The following ATP6V1H variants were observed in gnomAD, a reference collection of about 807,000 sequenced individuals.
ATP6V1H encodes ATPase H+ transporting V1 subunit H.
ATP6V1H carries 39 observed loss-of-function variants against 71.7 expected under a neutral mutation model. That is an observed-to-expected ratio of 0.54 (90% CI 0.42 to 0.71). The LOEUF (loss-of-function observed/expected upper bound fraction) is 0.71, where lower values mean the gene tolerates loss of function less well. ATP6V1H is among the 30% of genes least tolerant of loss of function. The pLI, the probability that ATP6V1H is intolerant of heterozygous loss-of-function variation, is 0.00. For synonymous variants in ATP6V1H, 192 were observed against 199.3 expected (o/e 0.96, Z 0.31); for missense variants, 509 against 594.9 (o/e 0.86, Z 1.50).
intron 3 of ATP6V1H, among the ~76,000 whole-genome samples, chr8:53,830,978 C>T (rs945831788): frequency 6.6e-6 from 1 of 152,090 alleles, no homozygotes; most frequent in Non-Finnish European, 1.5e-5. Context: ...TAGATTTCAT[C>T]GCACAACTTA....
In ATP6V1H at chr8:53,817,523, T is replaced by C; in HGVS notation, c.314A>G (p.His105Arg). 2 of 1,606,834 alleles carry C rather than the reference T, an allele frequency of 1.2e-6. No homozygotes were observed. The highest frequency in any genetic ancestry group is 2.2e-5 in the South Asian group (2 of 90,244). The change falls in exon 5 of 14, where the codon CAT becomes CGT. Residue 105 changes from histidine to arginine, a missense_variant. Transcript: ENST00000359530. ...GTCAAAGAAAATGCTAACACGCTGA[T>C]GATTTTCCTAAAAAAGAAAAGAAAT... Reference protein sequence around the residue: ...TMVDDMLQENHQRVSIFFDYA... With the variant: ...TMVDDMLQENRQRVSIFFDYA...
intron 11 of ATP6V1H, among the ~76,000 whole-genome samples, chr8:53,763,614 T>A (rs1437971584): frequency 6.6e-6 from 1 of 151,726 alleles, no homozygotes; most frequent in Non-Finnish European, 1.5e-5. Context: ...ATAGCCAAAA[T>A]CATCTTGGAA....
At chr8:53,826,553 G>A (rs1320043212) in intron 4 of ATP6V1H, among the ~76,000 whole-genome samples, 2 of 151,826 alleles carry the variant, frequency 1.3e-5, no homozygotes, top group Admixed American at 6.6e-5. Context: ...CAAAAAATAA[G>A]AGATTATATC....
intron 13 of ATP6V1H, among the ~76,000 whole-genome samples, chr8:53,723,766 A>C (rs1450354501): frequency 6.6e-6 from 1 of 152,196 alleles, no homozygotes; most frequent in African/African-American, 2.4e-5. Context: ...CCACGTGGTC[A>C]CGTGGCCGTT....
In ATP6V1H at chr8:53,814,729, T is replaced by C. The variant is rs61733221; in HGVS notation, c.458A>G (p.Lys153Arg). 1,065 of 1,613,126 alleles carry C rather than the reference T, an allele frequency of 6.6e-4. No individual in the cohort carries two copies. The highest frequency in any genetic ancestry group is 8.5e-4 in the Non-Finnish European group (1,005 of 1,179,606). Residue 153 changes from lysine to arginine, a missense_variant, in exon 6 of 14, where the codon AAA becomes AGA. Physicochemically the swap from Lys to Arg is conservative, Grantham distance 26. Coordinates refer to ENST00000359530, the MANE Select transcript of ATP6V1H (RefSeq NM_015941.4). ...RIIAKLAAWG[K>R]ELMEGSDLNY... Reference sequence around the variant, plus strand: ...TAAGTCACTGCCTTCCATCAGTTCTTTTCCCCAAGCTGCTAACTTGGCAAT... The same window carrying C: ...TAAGTCACTGCCTTCCATCAGTTCTCTTCCCCAAGCTGCTAACTTGGCAAT...
At chr8:53,719,572 C>T (rs1048660585) in intron 13 of ATP6V1H, among the ~76,000 whole-genome samples, 4 of 152,196 alleles carry the variant, frequency 2.6e-5, no homozygotes, top group African/African-American at 9.7e-5. Context: ...GTGCCAGGCA[C>T]AGGGGGTCCT....
At chr8:53,777,410 G>A (rs1808932333) in intron 9 of ATP6V1H, among the ~76,000 whole-genome samples, 1 of 151,558 alleles carries the variant, frequency 6.6e-6, no homozygotes, top group South Asian at 2.1e-4. Flanking sequence ...TTTGCTGAGA[G>A]AGAGCATTAA....
At chr8:53,805,977 C>A (rs935700864) in intron 7 of ATP6V1H, among the ~76,000 whole-genome samples, 1 of 151,940 alleles carries the variant, frequency 6.6e-6, no homozygotes, top group Non-Finnish European at 1.5e-5. Context: ...AACCTTTGTG[C>A]GAGTTGAGGT....
intron 9 of ATP6V1H, among the ~76,000 whole-genome samples, chr8:53,795,073 C>T (rs544087527): frequency 1.3e-5 from 2 of 152,212 alleles, no homozygotes; most frequent in South Asian, 2.1e-4. Flanking sequence ...CTCTCGGTAG[C>T]CAATTAGCAA....
At chr8:53,723,142 T>C (rs368309120) in intron 13 of ATP6V1H, among the ~76,000 whole-genome samples, 27 of 152,194 alleles carry the variant, frequency 1.8e-4, no homozygotes, top group African/African-American at 6.0e-4. Flanking sequence ...ATAAAGCAGA[T>C]TATACAACTT....
chr8:53,777,579 C>T (rs1270351149), intron 9 of ATP6V1H, among the ~76,000 whole-genome samples: 1 of 152,052 alleles, frequency 6.6e-6, no homozygotes, highest in East Asian at 1.9e-4. Flanking sequence ...TAATCAGTCA[C>T]CAGCAGACAT....
At chr8:53,779,422 T>C (rs138411589) in intron 9 of ATP6V1H, among the ~76,000 whole-genome samples, 9 of 151,890 alleles carry the variant, frequency 5.9e-5, no homozygotes, top group African/African-American at 1.9e-4. Flanking sequence ...ATGTAATCCA[T>C]AGTCAAAGAA....
rs561502882 is a variant in ATP6V1H at position 53,822,076 on chromosome 8, G to T, written c.307-4546C>A. Among the ~76,000 whole-genome samples, 344 of 152,246 alleles carry T rather than the reference G, an allele frequency of 2.3e-3. 2 individuals are homozygous for T. Among genetic ancestry groups the T allele is most frequent in the African/African-American group, 7.9e-3 (327 of 41,554 alleles). On this transcript the variant is annotated intron_variant, in intron 4 of 13. Coordinates refer to ENST00000359530, the MANE Select transcript of ATP6V1H (RefSeq NM_015941.4). ...CTCAAAAAGTAAAACTAAATTATAA[G>T]GTGTTCAACAGAGAACAGACTCAAA...
At position 53,811,086 on chromosome 8, in the gene ATP6V1H, A is replaced by T. The variant is rs1810258500; in HGVS notation, c.579+78T>A. The T allele has an allele frequency of 1.0e-5, 13 of 1,274,058 alleles. No homozygotes were observed. In the South Asian group the frequency reaches 1.4e-4, roughly 14 times the overall value. 78.9% of individuals were successfully genotyped at this position (1,274,058 alleles called of 1,614,324 possible). A position where few individuals can be genotyped will look rare whatever the true frequency, so the allele number is the denominator to read the frequency against. ...ATTTATAGTTGGGGAACTAGTAAAC[A>T]CCTTCAAAATTTTAAGTGTATATGA... On this transcript the variant is annotated intron_variant, in intron 7 of 13. Coordinates refer to ENST00000359530, the MANE Select transcript of ATP6V1H (RefSeq NM_015941.4).
chr8:53,801,681 T>C, intron 8 of ATP6V1H, 118 bp downstream of exon 8: 1 of 841,052 alleles, frequency 1.2e-6, no homozygotes, highest in Non-Finnish European at 1.8e-6. Flanking sequence ...CATAGTCAAT[T>C]GTTAAACAGA....
chr8:53,718,127 C>T (rs947100003), intron 13 of ATP6V1H, among the ~76,000 whole-genome samples: 2 of 152,200 alleles, frequency 1.3e-5, no homozygotes, highest in African/African-American at 4.8e-5. Flanking sequence ...CTTCCAGAGG[C>T]CTGAGGGTAG....
At chr8:53,807,451 A>C (rs1563475868) in intron 7 of ATP6V1H, among the ~76,000 whole-genome samples, 1 of 152,110 alleles carries the variant, frequency 6.6e-6, no homozygotes, top group Non-Finnish European at 1.5e-5. Flanking sequence ...GAAAAAAAAA[A>C]AACTAAGTCC....
intron 3 of ATP6V1H, among the ~76,000 whole-genome samples, chr8:53,830,116 T>C (rs953336641): frequency 1.3e-5 from 2 of 152,178 alleles, no homozygotes; most frequent in African/African-American, 4.8e-5. Flanking sequence ...AATTGAACCT[T>C]ATTATGGGGC....
chr8:53,740,754 C>A (rs1807378974), intron 13 of ATP6V1H, among the ~76,000 whole-genome samples: 1 of 152,144 alleles, frequency 6.6e-6, no homozygotes, highest in African/African-American at 2.4e-5. Context: ...AGGTATTGAT[C>A]CAAACTTCTT....
Sources: allele counts gnomAD v4.1 joint callset (sites outside exome capture counted in the v4.1 genomes callset), GRCh38; gene constraint gnomAD v4.1.1; transcripts MANE v1.5; gene names NCBI Gene and HGNC (gene_info 2026-07-23, HGNC 2026-07-21).